Variants in WDR33 observed in about 807,000 individuals in gnomAD.
WDR33 encodes the protein WD repeat domain 33.
WDR33 carries 47 observed loss-of-function variants against 164.9 expected under a neutral mutation model. The ratio of observed to expected loss-of-function variants is 0.29; its 90% CI spans 0.23 to 0.36. The LOEUF is 0.36. Ranked by LOEUF, WDR33 falls within the 10% of genes least tolerant of loss-of-function variation. The pLI, the probability that WDR33 is intolerant of heterozygous loss-of-function variation, is 1.00. For missense variants in WDR33, 1,137 were observed against 1,754.1 expected (o/e 0.65, Z 6.28); for synonymous variants, 505 against 589.0 (o/e 0.86, Z 2.06).
At chr2:127,711,751 G>GATATATATATATATATATATATATATAT (rs754454193) in intron 18 of WDR33, among the ~76,000 whole-genome samples, 27 of 71,578 alleles carry the variant, frequency 3.8e-4, no homozygotes, top group African/African-American at 8.9e-4. Flanking sequence ...CACATATACA[G>GATATATATATATATATATATATATATAT]ATATATATAT....
At chr2:127,760,452 T>C (rs570942362) in intron 7 of WDR33, among the ~76,000 whole-genome samples, 2 of 152,370 alleles carry the variant, frequency 1.3e-5, no homozygotes, top group Non-Finnish European at 2.9e-5. Context: ...GTGATCCAGT[T>C]TTCTCTGAGT....
chr2:127,717,355 C>A lies in WDR33; in HGVS notation c.2761-92G>T. The A allele has an allele frequency of 2.8e-6, 3 of 1,054,706 alleles. No homozygotes were observed. Among genetic ancestry groups the A allele is most frequent in the East Asian group, 3.0e-5 (1 of 33,726 alleles). 65.3% of individuals were successfully genotyped at this position (1,054,706 alleles called of 1,614,324 possible). On this transcript the variant is annotated intron_variant, in intron 16 of 21. Coordinates refer to ENST00000322313, the MANE Select transcript of WDR33 (RefSeq NM_018383.5). This position sits in a 1 kb window ranked among gnomAD's most constrained non-coding sequence, Gnocchi z 5.6. ...TTATAACATGACAAGATAAAAATACCCAGTAAATATTTACCTAGTAAGATT... is the reference window on the plus strand; with the variant it reads ...TTATAACATGACAAGATAAAAATACACAGTAAATATTTACCTAGTAAGATT...
intron 18 of WDR33, among the ~76,000 whole-genome samples, chr2:127,711,780 A>ATATATATATATATATATATATTTTT: frequency 1.1e-5 from 1 of 88,308 alleles, no homozygotes; most frequent in African/African-American, 6.5e-5. Context: ...ATATATATAT[A>ATATATATATATATATATATATTTTT]TTTTTTTTTT....
rs1391278799 is a variant in WDR33, at chr2:127,716,191, A to C, written c.2869+964T>G. On this transcript the variant is annotated intron_variant, in intron 17 of 21. Coordinates refer to ENST00000322313, the MANE Select transcript of WDR33 (RefSeq NM_018383.5). This position sits in a 1 kb window ranked among gnomAD's most constrained non-coding sequence, Gnocchi z 4.5. The stretch of plus-strand genomic sequence containing the variant: ...GTTCCCTTATCTCTTTCTTACCTCT[A>C]ATATCACACATAAATTCAAGACTGA... Among the ~76,000 whole-genome samples the C allele has an allele frequency of 2.0e-5, 3 of 152,200 alleles. No homozygotes were observed. Among genetic ancestry groups the C allele is most frequent in the Non-Finnish European group, 4.4e-5 (3 of 68,040 alleles).
rs1464200840 is a variant in WDR33, at chr2:127,753,431, T to C, written c.724+9631A>G. ...GAGAAAAGTTCTGAAATAACCACTT[T>C]TATCCTAAAATAGTCCAGAGATTTG... On this transcript the variant is annotated intron_variant, in intron 7 of 21. Transcript: ENST00000322313. Among the ~76,000 whole-genome samples the C allele has an allele frequency of 3.3e-5, 5 of 152,336 alleles. No individual in the cohort carries two copies. The South Asian group carries it at 6.2e-4, about 19-fold the overall frequency.
chr2:127,746,701 T>C lies in WDR33; in HGVS notation c.724+16361A>G, dbSNP rs953372535. On this transcript the variant is annotated intron_variant, in intron 7 of 21. Transcript: ENST00000322313. ...AAGTTCCCCAGAGGAAATACGGAGA[T>C]TGTGCCAAGCAGAAACTACCACTGT... 1.5e-4 allele frequency among the ~76,000 whole-genome samples: 23 copies of C among 152,312 alleles called. 1 individual carries two copies. The highest frequency in any genetic ancestry group is 6.5e-4 in the Admixed American group (10 of 15,294).
Position 127,706,236 on chromosome 2 carries a change from G to T in WDR33, c.*87C>A. 1.6e-6 allele frequency: 2 copies of T among 1,269,050 alleles called. No individual in the cohort carries two copies. The highest frequency in any genetic ancestry group is 1.7e-5 in the South Asian group (1 of 58,208). The allele number at this position is 1,269,050 out of a possible 1,614,324, so 78.6% of individuals were successfully genotyped here. A position where few individuals can be genotyped will look rare whatever the true frequency, so the allele number is the denominator to read the frequency against. The stretch of plus-strand genomic sequence containing the variant: ...GAAAAGAGTTCAGGGCTACAATGGT[G>T]CAGGCTTCCTTTTGTTTCTCTTGGT... On this transcript the variant is annotated 3_prime_UTR_variant, in exon 22 of 22. Transcript: ENST00000322313. This position sits in a 1 kb window ranked among gnomAD's most constrained non-coding sequence, Gnocchi z 5.1.
chr2:127,801,887 A>C (rs541777104), intron 1 of WDR33, among the ~76,000 whole-genome samples: 1 of 152,134 alleles, frequency 6.6e-6, no homozygotes, highest in South Asian at 2.1e-4. Context: ...CCATCTCAAA[A>C]AAAATGGTTA....
In WDR33 at chr2:127,737,480, G is replaced by C. The variant is rs1278518264; in HGVS notation, c.725-10703C>G. On this transcript the variant is annotated intron_variant, in intron 7 of 21. Transcript: ENST00000322313. ...ATACAGTCAAGAAAAGCAGTATATA[G>C]TCATCACTTGAAAAGCTAGAAAAGT... is the stretch of plus-strand genomic sequence containing the variant. 6.1e-6 allele frequency: 6 copies of C among 986,288 alleles called. No homozygotes were observed. In the South Asian group the frequency reaches 1.9e-4, roughly 31 times the overall value. The allele number at this position is 986,288 out of a possible 1,614,324, so 61.1% of individuals were successfully genotyped here. A position where few individuals can be genotyped will look rare whatever the true frequency, so the allele number is the denominator to read the frequency against.
Position 127,711,424 on chromosome 2 carries a change from C to CAAA in WDR33, c.3309-1571_3309-1569dup, listed in dbSNP as rs1197934586. The stretch of plus-strand genomic sequence containing the variant: ...TGAGCGACAAAGCAAGATTCCCTCT[C>CAAA]AAAAAAAAAAAAAAAAAAAGACAAG... On this transcript the variant is annotated intron_variant, in intron 18 of 21. Transcript: ENST00000322313. Among the ~76,000 whole-genome samples, 376 of 53,746 alleles carry CAAA rather than the reference C, an allele frequency of 7.0e-3. 1 individual carries two copies. Among genetic ancestry groups the CAAA allele is most frequent in the African/African-American group, 0.023 (353 of 15,116 alleles). 35.3% of individuals were successfully genotyped at this position (53,746 alleles called of 152,430 possible).
intron 7 of WDR33, among the ~76,000 whole-genome samples, chr2:127,750,731 T>C (rs1178367853): frequency 1.7e-5 from 1 of 59,156 alleles, no homozygotes; most frequent in Non-Finnish European, 2.9e-5. Flanking sequence ...TGCATACATA[T>C]ATATGTATGC....
In WDR33 at chr2:127,709,157, T is replaced by C. The variant is rs2105370507; in HGVS notation, c.3566-265A>G. ...ATTACTGAGGACTCCTAAGAGATTT[T>C]GTTAATGAGAGTTGTAACTGCGAAT... On this transcript the variant is annotated intron_variant, in intron 20 of 21. Coordinates refer to ENST00000322313, the MANE Select transcript of WDR33 (RefSeq NM_018383.5). The surrounding 1 kb of genome is among the most constrained non-coding windows in gnomAD (Gnocchi z 5.0). Among the ~76,000 whole-genome samples the C allele has an allele frequency of 6.6e-6, 1 of 152,328 alleles. No homozygotes were observed. Among genetic ancestry groups the C allele is most frequent in the South Asian group, 2.1e-4 (1 of 4,826 alleles).
rs565066436 is a variant in WDR33, at chr2:127,765,064, G to C, written c.475-85C>G. 4.4e-5 allele frequency: 69 copies of C among 1,558,048 alleles called. No homozygotes were observed. In the South Asian group the frequency reaches 8.0e-4, roughly 18 times the overall value. Reference sequence around the variant, plus strand: ...GCTTACAAGAGCATATAACTGACTCGAGGTAATAATTCGTCCCAATTCTAA... The same window carrying C: ...GCTTACAAGAGCATATAACTGACTCCAGGTAATAATTCGTCCCAATTCTAA... On this transcript the variant is annotated intron_variant, in intron 5 of 21. Coordinates refer to ENST00000322313, the MANE Select transcript of WDR33 (RefSeq NM_018383.5).
At chr2:127,739,968 C>T (rs1475337728) in intron 7 of WDR33, among the ~76,000 whole-genome samples, 14 of 152,114 alleles carry the variant, frequency 9.2e-5, no homozygotes, top group Admixed American at 9.2e-4. Flanking sequence ...TGATGTAATG[C>T]CATTTACCTC....
intron 1 of WDR33, among the ~76,000 whole-genome samples, chr2:127,774,941 A>G (rs372687170): frequency 6.6e-6 from 1 of 152,354 alleles, no homozygotes; most frequent in East Asian, 1.9e-4. Context: ...ATATACAGCG[A>G]CAAAAAGCTA....
Position 127,716,098 on chromosome 2 carries a change from G to A in WDR33, c.2869+1057C>T, listed in dbSNP as rs1480730587. Among the ~76,000 whole-genome samples the A allele has an allele frequency of 6.6e-6, 1 of 152,064 alleles. No individual in the cohort carries two copies. Among genetic ancestry groups the A allele is most frequent in the Non-Finnish European group, 1.5e-5 (1 of 68,004 alleles). On this transcript the variant is annotated intron_variant, in intron 17 of 21. Transcript: ENST00000322313. This position sits in a 1 kb window ranked among gnomAD's most constrained non-coding sequence, Gnocchi z 4.5. ...CCTTTTGTTTCTCTAGTTCGCTGTG[G>A]GCCACGTTCCTTCTGTATAGCCTCT...
At position 127,710,306 on chromosome 2, in the gene WDR33, CTTATCA is replaced by C. The variant is rs1340197138; in HGVS notation, c.3309-456_3309-451del. Among the ~76,000 whole-genome samples, 1 of 152,218 alleles carries C rather than the reference CTTATCA, an allele frequency of 6.6e-6. No homozygotes were observed. The highest frequency in any genetic ancestry group is 1.5e-5 in the Non-Finnish European group (1 of 68,032). On this transcript the variant is annotated intron_variant, in intron 18 of 21. Transcript: ENST00000322313. This position sits in a 1 kb window ranked among gnomAD's most constrained non-coding sequence, Gnocchi z 4.4. ...GTTCTGTATCACTGCCTCACAAATA[CTTATCA>C]TTATCATCTACATTTGTATGATGAA...
rs926664881 is a variant in WDR33 at position 127,724,145 on chromosome 2, A to G, written c.1196+188T>C. ...TCAGAAGGCAAAACAAAATTTGAATAGCCAAAACCATATTCAATACCCAAT... is the reference window on the plus strand; with the variant it reads ...TCAGAAGGCAAAACAAAATTTGAATGGCCAAAACCATATTCAATACCCAAT... On this transcript the variant is annotated intron_variant, in intron 11 of 21. Transcript: ENST00000322313. This position sits in a 1 kb window ranked among gnomAD's most constrained non-coding sequence, Gnocchi z 4.8. 6.6e-6 allele frequency among the ~76,000 whole-genome samples: 1 copy of G among 152,248 alleles called. No homozygotes were observed. The highest frequency in any genetic ancestry group is 2.4e-5 in the African/African-American group (1 of 41,460).
Position 127,701,611 on chromosome 2 carries a change from C to A in WDR33, c.*4712G>T. On this transcript the variant is annotated 3_prime_UTR_variant, in exon 22 of 22. Transcript: ENST00000322313. Reference sequence around the variant, plus strand: ...CCGGCGGCCGCGGAGCCGCTGCTCGCCGCGGAGAAGGCGGAGGAGCCCGGG... The same window carrying A: ...CCGGCGGCCGCGGAGCCGCTGCTCGACGCGGAGAAGGCGGAGGAGCCCGGG... 7.4e-7 allele frequency: 1 copy of A among 1,346,520 alleles called. No homozygotes were observed. The highest frequency in any genetic ancestry group is 1.9e-5 in the South Asian group (1 of 53,840). The allele number at this position is 1,346,520 out of a possible 1,614,324, so 83.4% of individuals were successfully genotyped here.
Sources: gnomAD v4.1 joint callset for allele counts (sites outside exome capture counted in the v4.1 genomes callset) on GRCh38, gnomAD v4.1.1 for gene constraint, Gnocchi (gnomAD v3.1) non-coding constraint, MANE v1.5 for transcripts, NCBI Gene and HGNC (gene_info 2026-07-23, HGNC 2026-07-21) for gene names.